The following MAP3K10 variants were observed in gnomAD, a reference collection of about 807,000 sequenced individuals.
The protein encoded by MAP3K10 is MKN28 derived nonreceptor_type serine/threonine kinase.
MAP3K10 carries 22 observed loss-of-function variants against 75.0 expected under a neutral mutation model. That is an observed-to-expected ratio of 0.29 (90% CI 0.21 to 0.42). The LOEUF (loss-of-function observed/expected upper bound fraction) is 0.42. MAP3K10 is among the 10% of genes least tolerant of loss of function. MAP3K10 has a pLI of 1.00. For synonymous variants in MAP3K10, 599 were observed against 612.9 expected, an observed-to-expected ratio of 0.98 and a Z score of 0.34; for missense variants, 1,165 against 1,379.8, an observed-to-expected ratio of 0.84 and a Z score of 2.47.
intron 2 of MAP3K10, among the ~76,000 whole-genome samples, chr19:40,202,356 G>A (rs1475317155): frequency 6.6e-6 from 1 of 152,112 alleles, no homozygotes; most frequent in Non-Finnish European, 1.5e-5. Flanking sequence ...TCTTACCCAT[G>A]TTGTTTTTGT....
intron 2 of MAP3K10, among the ~76,000 whole-genome samples, chr19:40,202,805 T>G (rs1973050621): frequency 6.6e-6 from 1 of 152,058 alleles, no homozygotes; most frequent in Non-Finnish European, 1.5e-5. Flanking sequence ...TGAGGATACT[T>G]CCTGGAAGCT....
In MAP3K10 at chr19:40,192,729, T is replaced by TC. The variant is rs1568485889; in HGVS notation, c.682+20dup. ...TCCATCAACAGTAAGTGGTGTCCTC[T>TC]CCCCAAAATTCCTTCCACAGAACCT... On this transcript the variant is annotated intron_variant, in intron 1 of 9. Coordinates refer to ENST00000253055, the MANE Select transcript of MAP3K10 (RefSeq NM_002446.4). The surrounding 1 kb of genome is among the most constrained non-coding windows in gnomAD (Gnocchi z 7.1). 1.3e-6 allele frequency: 2 copies of TC among 1,514,262 alleles called. No homozygotes were observed. The highest frequency in any genetic ancestry group is 4.6e-5 in the East Asian group (2 of 43,766). 93.8% of individuals were successfully genotyped at this position (1,514,262 alleles called of 1,614,324 possible).
At position 40,192,268 on chromosome 19, in the gene MAP3K10, C is replaced by T; in HGVS notation, c.237C>T (p.Gly79=). ...TCCCCAGCAACTACGTGGCCCCCGG[C>T]GCCCCCGCTGCACCCGCGGGCCTCC... is the stretch of plus-strand genomic sequence containing the variant. The part of the protein sequence containing the change: ...GVFPSNYVAP[G]APAAPAGLQL... Residue 79 remains glycine (G), a synonymous_variant, in exon 1 of 10, where the codon GGC becomes GGT. Coordinates refer to ENST00000253055, the MANE Select transcript of MAP3K10 (RefSeq NM_002446.4). The surrounding 1 kb of genome is among the most constrained non-coding windows in gnomAD (Gnocchi z 7.1). 2 of 1,601,678 alleles carry T rather than the reference C, an allele frequency of 1.2e-6. No homozygotes were observed. Among genetic ancestry groups the T allele is most frequent in the East Asian group, 2.2e-5 (1 of 44,596 alleles).
At chr19:40,203,780 T>G (rs1973068725) in intron 2 of MAP3K10, among the ~76,000 whole-genome samples, 1 of 152,184 alleles carries the variant, frequency 6.6e-6, no homozygotes, top group Non-Finnish European at 1.5e-5. Flanking sequence ...GCTGAGTGTT[T>G]TGGGGAAACG....
chr19:40,192,127 C>G lies in MAP3K10; in HGVS notation c.96C>G (p.Asp32Glu). The change falls in exon 1 of 10, where the codon GAC becomes GAG. Residue 32 changes from aspartate (D) to glutamate (E), a missense_variant. Physicochemically the swap from Asp to Glu is conservative, Grantham distance 45. Around this residue, in one of 2 missense-constraint regions of MAP3K10, gnomAD observed 575 missense variants for 793.2 expected, o/e 0.72. Transcript: ENST00000253055. The surrounding 1 kb of genome is among the most constrained non-coding windows in gnomAD (Gnocchi z 7.1). The stretch of plus-strand genomic sequence containing the variant: ...TGTTCGACTACGAGGCGGCGGGCGA[C>G]GAGGAGCTGACCCTGCGGAGGGGCG... ...TAVFDYEAAGDEELTLRRGDR... is the reference protein window; with the variant it reads ...TAVFDYEAAGEEELTLRRGDR... The G allele has an allele frequency of 1.3e-6, 2 of 1,579,942 alleles. No homozygotes were observed. The highest frequency in any genetic ancestry group is 1.7e-6 in the Non-Finnish European group (2 of 1,165,852).
intron 1 of MAP3K10, among the ~76,000 whole-genome samples, chr19:40,196,804 C>T (rs902279119): frequency 5.3e-5 from 8 of 152,150 alleles, no homozygotes; most frequent in Admixed American, 2.6e-4. Flanking sequence ...CAGGCATGAG[C>T]CACTGCTCCT....
chr19:40,198,490 C>A lies in MAP3K10; in HGVS notation c.798C>A (p.Thr266=). The A allele has an allele frequency of 1.2e-6, 2 of 1,614,150 alleles. No homozygotes were observed. Among genetic ancestry groups the A allele is most frequent in the Non-Finnish European group, 8.5e-7 (1 of 1,180,008 alleles). The change falls in exon 2 of 10, where the codon ACC becomes ACA. Residue 266 remains threonine (T), a synonymous_variant. Transcript: ENST00000253055. This position sits in a 1 kb window ranked among gnomAD's most constrained non-coding sequence, Gnocchi z 4.3. ...HKTTKMSAAG[T]YAWMAPEVIR... is the part of the protein sequence containing the mutation. Reference sequence around the variant, plus strand: ...CCACCAAGATGAGCGCTGCGGGGACCTACGCCTGGATGGCGCCGGAGGTTA... The same window carrying A: ...CCACCAAGATGAGCGCTGCGGGGACATACGCCTGGATGGCGCCGGAGGTTA...
chr19:40,203,839 G>A (rs1436056952), intron 2 of MAP3K10, among the ~76,000 whole-genome samples: 1 of 152,230 alleles, frequency 6.6e-6, no homozygotes, highest in Non-Finnish European at 1.5e-5. Flanking sequence ...AATCAAGGAA[G>A]GCTTCCTGAC....
chr19:40,207,424 AAG>A (rs1277597829), intron 5 of MAP3K10, among the ~76,000 whole-genome samples: 1 of 152,164 alleles, frequency 6.6e-6, no homozygotes, highest in Non-Finnish European at 1.5e-5. Context: ...AAAAAGAAAT[AAG>A]AGATGTCAAT....
rs746176838 is a variant in MAP3K10 at position 40,198,573 on chromosome 19, CGGGATG to C, written c.863+20_863+25del. On this transcript the variant is annotated intron_variant, in intron 2 of 9. Transcript: ENST00000253055. This position sits in a 1 kb window ranked among gnomAD's most constrained non-coding sequence, Gnocchi z 4.3. Reference sequence around the variant, plus strand: ...GTCTGGAGGTGCTGAAAGGCGCGGCCGGGATGGCCTCTGGGGAGTAAGGGAGGGAGG... The same window carrying C: ...GTCTGGAGGTGCTGAAAGGCGCGGCCGCCTCTGGGGAGTAAGGGAGGGAGG... 31 of 1,597,070 alleles carry C rather than the reference CGGGATG, an allele frequency of 1.9e-5. No homozygotes were observed. The African/African-American group carries it at 3.9e-4, about 20-fold the overall frequency.
intron 2 of MAP3K10, among the ~76,000 whole-genome samples, chr19:40,200,857 G>T (rs1430541546): frequency 6.6e-6 from 1 of 151,850 alleles, no homozygotes; most frequent in Non-Finnish European, 1.5e-5. Context: ...TGATCCGCCC[G>T]CCTCAGCCTC....
chr19:40,211,757 T>G (rs1973244757), intron 6 of MAP3K10, among the ~76,000 whole-genome samples: 2 of 152,146 alleles, frequency 1.3e-5, no homozygotes, highest in Admixed American at 6.5e-5. Context: ...AGACGCTCGC[T>G]CTGTCTCCCA....
intron 6 of MAP3K10, 102 bp downstream of exon 6, chr19:40,209,321 G>C: frequency 1.2e-6 from 1 of 805,966 alleles, no homozygotes; most frequent in Non-Finnish European, 2.0e-6. Flanking sequence ...CAGCAAGAAA[G>C]AAGACAGACA....
chr19:40,201,979 C>A (rs1239140760), intron 2 of MAP3K10, among the ~76,000 whole-genome samples: 1 of 151,782 alleles, frequency 6.6e-6, no homozygotes, highest in African/African-American at 2.4e-5. Flanking sequence ...CCCCCACCCC[C>A]CAGGCTCCAG....
In MAP3K10 at chr19:40,207,539, C is replaced by A. The variant is rs371319188; in HGVS notation, c.1435+1382C>A. On this transcript the variant is annotated intron_variant, in intron 5 of 9. Transcript: ENST00000253055. Reference sequence around the variant, plus strand: ...TCACCTGAGGTCAGGAGTTTGAGACCAGCCTGACCAACATGGAGAAACCCC... The same window carrying A: ...TCACCTGAGGTCAGGAGTTTGAGACAAGCCTGACCAACATGGAGAAACCCC... Among the ~76,000 whole-genome samples the A allele has an allele frequency of 5.3e-5, 8 of 152,166 alleles. No homozygotes were observed. The East Asian group carries it at 9.7e-4, about 18-fold the overall frequency.
intron 1 of MAP3K10, among the ~76,000 whole-genome samples, chr19:40,193,721 C>T (rs752071198): frequency 2.0e-5 from 3 of 152,142 alleles, no homozygotes; most frequent in Non-Finnish European, 4.4e-5. Flanking sequence ...TGCTGTGCCC[C>T]ATCTCACTCC....
chr19:40,215,077 GC>G lies in MAP3K10; in HGVS notation c.2654del (p.Pro885ArgfsTer119). 6.4e-7 allele frequency: 1 copy of G among 1,566,880 alleles called. No individual in the cohort carries two copies. On this transcript the variant is annotated frameshift_variant, in exon 10 of 10. Coordinates refer to ENST00000253055, the MANE Select transcript of MAP3K10 (RefSeq NM_002446.4). LOFTEE classifies it high-confidence loss of function. ...AGGCCGCCCCACCACCCTGACCTTT[GC>G]CCCGAGACCTCGGCCGGCTGCCAGT... is the stretch of plus-strand genomic sequence containing the variant. ...FPGRPTTLTFAPRPRPAASRP... is the reference protein window; with the variant it reads ...FPGRPTTLTFXPRPRPAASRP...
At chr19:40,199,377 G>A (rs1040651116) in intron 2 of MAP3K10, among the ~76,000 whole-genome samples, 10 of 152,154 alleles carry the variant, frequency 6.6e-5, no homozygotes, top group South Asian at 2.1e-4. Context: ...TACAAAGTGC[G>A]AGGAGGCTGA....
Position 40,204,427 on chromosome 19 carries a change from G to A in MAP3K10, c.864-58G>A, listed in dbSNP as rs1408288527. The A allele has an allele frequency of 2.5e-6, 4 of 1,577,454 alleles. No homozygotes were observed. The highest frequency in any genetic ancestry group is 4.5e-5 in the East Asian group (2 of 44,354). On this transcript the variant is annotated intron_variant, in intron 2 of 9. Coordinates refer to ENST00000253055, the MANE Select transcript of MAP3K10 (RefSeq NM_002446.4). The surrounding 1 kb of genome is among the most constrained non-coding windows in gnomAD (Gnocchi z 4.3). ...TGCATGGGACCAAGGGCAGGGCTGG[G>A]TATAGGTGAGGATTGGGGTGGGCTG...
Sources: allele counts gnomAD v4.1 joint callset (sites outside exome capture counted in the v4.1 genomes callset), GRCh38; gene constraint gnomAD v4.1.1; regional missense constraint gnomAD v4.1.1; non-coding constraint Gnocchi (gnomAD v3.1); transcripts MANE v1.5; gene names NCBI Gene and HGNC (gene_info 2026-07-23, HGNC 2026-07-21).